Variants in ZBED6 observed in about 807,000 individuals in gnomAD.
ZBED6 encodes the protein zinc finger BED-type containing 6.
ZBED6 carries 40 observed loss-of-function variants against 58.4 expected under a neutral mutation model. The observed-to-expected ratio is 0.68, with a 90% CI of 0.53 to 0.89. The LOEUF is 0.89. Ranked by LOEUF, ZBED6 falls within the 40% of genes least tolerant of loss-of-function variation. The pLI, the probability that ZBED6 is intolerant of heterozygous loss-of-function variation, is 0.00. For synonymous variants in ZBED6, 439 were observed against 350.6 expected, an observed-to-expected ratio of 1.25 and a Z score of -2.82; for missense variants, 1,057 against 1,003.9, an observed-to-expected ratio of 1.05 and a Z score of -0.71.
intron 11 of ZBED6, among the ~76,000 whole-genome samples, chr1:203,842,470 C>T (rs1238844060): frequency 3.9e-5 from 6 of 152,012 alleles, no homozygotes; most frequent in African/African-American, 9.7e-5. Flanking sequence ...TGGCGGCGCG[C>T]GCCTGCAATC....
intron 3 of ZBED6, among the ~76,000 whole-genome samples, chr1:203,823,639 A>T (rs373748525): frequency 1.5e-4 from 23 of 152,372 alleles, no homozygotes; most frequent in African/African-American, 5.0e-4. Context: ...TTCTAAGGAC[A>T]GTAGTCTAAG....
chr1:203,845,077 C>A (rs535917615), intron 11 of ZBED6, among the ~76,000 whole-genome samples: 1 of 151,994 alleles, frequency 6.6e-6, no homozygotes, highest in African/African-American at 2.4e-5. Flanking sequence ...TTGACAGTTT[C>A]CTTTGACTGT....
intron 11 of ZBED6, among the ~76,000 whole-genome samples, chr1:203,846,256 ATTAT>A (rs1273578473): frequency 2.0e-5 from 3 of 149,810 alleles, no homozygotes; most frequent in African/African-American, 2.5e-5. Context: ...ATCTCTTTTC[ATTAT>A]TTATTTTCTT....
chr1:203,804,295 G>A (rs1671488747), intron 1 of ZBED6, among the ~76,000 whole-genome samples: 1 of 151,906 alleles, frequency 6.6e-6, no homozygotes, highest in African/African-American at 2.4e-5. Flanking sequence ...GGGACTACAG[G>A]CACCCGCCAC....
At chr1:203,842,491 TGCAGGCTGAG>T (rs1558138953) in intron 11 of ZBED6, among the ~76,000 whole-genome samples, 1 of 151,198 alleles carries the variant, frequency 6.6e-6, no homozygotes, top group Non-Finnish European at 1.5e-5. Flanking sequence ...CCAGGCACTC[TGCAGGCTGAG>T]GCAGGAGAAT....
At chr1:203,799,276 T>C in exon 1 of ZBED6, 1 of 738,026 alleles carries the variant, frequency 1.4e-6, no homozygotes, top group Non-Finnish European at 2.4e-6. Flanking sequence ...CCATGCTTCC[T>C]GCATTGTTTA....
exon 12 of ZBED6, chr1:203,847,685 C>G (rs752252881): frequency 1.9e-6 from 3 of 1,611,882 alleles, no homozygotes; most frequent in East Asian, 2.2e-5. Flanking sequence ...ACCAAAAGAA[C>G]AGGTAACAAG....
At chr1:203,824,877 C>A (rs1446576122) in intron 3 of ZBED6, among the ~76,000 whole-genome samples, 1 of 151,870 alleles carries the variant, frequency 6.6e-6, no homozygotes, top group African/African-American at 2.4e-5. Flanking sequence ...GAGTTTGAGA[C>A]CAGCCTGGAC....
chr1:203,831,892 G>A (rs1682505083), intron 8 of ZBED6, 121 bp downstream of exon 8: 2 of 739,276 alleles, frequency 2.7e-6, no homozygotes, highest in Admixed American at 5.7e-5. Context: ...ATGCTGATGA[G>A]ATAATCTAAA....
At chr1:203,804,314 GCTAA>G (rs1021901720) in intron 1 of ZBED6, among the ~76,000 whole-genome samples, 1 of 151,912 alleles carries the variant, frequency 6.6e-6, no homozygotes, top group African/African-American at 2.4e-5. Flanking sequence ...ACCTCGCCTG[GCTAA>G]CTTTTTTGTA....
intron 1 of ZBED6, among the ~76,000 whole-genome samples, chr1:203,811,822 CTTTTT>C (rs766087522): frequency 7.5e-6 from 1 of 133,456 alleles, no homozygotes; most frequent in South Asian, 2.4e-4. Context: ...TTGTCTTTTT[CTTTTT>C]TTTTTTTTTT....
At chr1:203,796,520 C>G (rs1283786279) in exon 1 of ZBED6, 1 of 398,820 alleles carries the variant, frequency 2.5e-6, no homozygotes, top group Non-Finnish European at 4.4e-6. Flanking sequence ...TGGGGAAGGC[C>G]TATATTGTTG....
chr1:203,825,909 ATTAC>A (rs1430686008), intron 3 of ZBED6, among the ~76,000 whole-genome samples: 1 of 152,142 alleles, frequency 6.6e-6, no homozygotes, highest in African/African-American at 2.4e-5. Context: ...TTGCACATAT[ATTAC>A]TTTTCAATTA....
At chr1:203,808,043 GT>G (rs1558098356) in intron 1 of ZBED6, among the ~76,000 whole-genome samples, 2 of 151,964 alleles carry the variant, frequency 1.3e-5, no homozygotes, top group Non-Finnish European at 2.9e-5. Context: ...TGCCTGGCCT[GT>G]TTTGTTTTTT....
chr1:203,813,351 C>G (rs1048448756), intron 1 of ZBED6, among the ~76,000 whole-genome samples: 4 of 152,094 alleles, frequency 2.6e-5, no homozygotes, highest in Non-Finnish European at 5.9e-5. Flanking sequence ...GGATCACAGG[C>G]ATTCACCACC....
At chr1:203,831,846 C>A in intron 8 of ZBED6, 75 bp downstream of exon 8, 1 of 1,201,368 alleles carries the variant, frequency 8.3e-7, no homozygotes, top group Non-Finnish European at 1.2e-6. Flanking sequence ...CCTTGGGTAT[C>A]TTTTACCTTT....
intron 11 of ZBED6, among the ~76,000 whole-genome samples, chr1:203,844,975 C>G (rs960501359): frequency 1.3e-5 from 2 of 152,100 alleles, no homozygotes; most frequent in East Asian, 3.9e-4. Context: ...GAGGTCATGA[C>G]TGGCCCAACT....
intron 7 of ZBED6, among the ~76,000 whole-genome samples, chr1:203,831,337 C>A (rs1231769184): frequency 1.3e-5 from 2 of 152,154 alleles, no homozygotes. Context: ...TGGATTGATA[C>A]ACCTGATGGC....
intron 11 of ZBED6, among the ~76,000 whole-genome samples, chr1:203,841,649 G>A (rs917786297): frequency 3.3e-5 from 5 of 152,202 alleles, no homozygotes; most frequent in South Asian, 2.1e-4. Context: ...ATCATGGCCC[G>A]TTCTCAATGA....
Sources: gnomAD v4.1 joint callset for allele counts (sites outside exome capture counted in the v4.1 genomes callset) on GRCh38, gnomAD v4.1.1 for gene constraint, MANE v1.5 for transcripts, NCBI Gene and HGNC (gene_info 2026-07-23, HGNC 2026-07-21) for gene names.